COL13A1: variants seen among roughly 807,000 people sequenced by gnomAD.
COL13A1 encodes the protein collagen alpha-1(XIII) chain.
COL13A1 carries 89 observed loss-of-function variants against 130.9 expected under a neutral mutation model. That is an observed-to-expected ratio of 0.68 (90% confidence interval 0.57 to 0.81). The LOEUF is 0.81. Among genes scored for constraint, COL13A1 ranks in the 30% least tolerant of loss-of-function variants. COL13A1 has a pLI of 0.00. For synonymous variants in COL13A1, 402 were observed against 341.6 expected (o/e 1.18, Z -1.95); for missense variants, 879 against 934.6 (o/e 0.94, Z 0.78).
intron 10 of COL13A1, among the ~76,000 whole-genome samples, chr10:69,891,552 T>A (rs2061172433): frequency 6.6e-6 from 1 of 152,196 alleles, no homozygotes; most frequent in Non-Finnish European, 1.5e-5. Context: ...CTGCCTCCGC[T>A]GCAAATGCAT....
At chr10:69,851,690 T>A (rs1358308371) in intron 2 of COL13A1, among the ~76,000 whole-genome samples, 1 of 152,214 alleles carries the variant, frequency 6.6e-6, no homozygotes, top group South Asian at 2.1e-4. Context: ...AGTCTCACTC[T>A]GTTGTCCAGG....
At chr10:69,858,887 C>G (rs567803914) in intron 2 of COL13A1, among the ~76,000 whole-genome samples, 1 of 152,228 alleles carries the variant, frequency 6.6e-6, no homozygotes, top group South Asian at 2.1e-4. Context: ...AATTTACCAG[C>G]TGTGTGACAT....
chr10:69,832,158 C>T (rs1309614762), intron 2 of COL13A1, among the ~76,000 whole-genome samples: 1 of 152,212 alleles, frequency 6.6e-6, no homozygotes, highest in African/African-American at 2.4e-5. Flanking sequence ...AAAGCGTTGG[C>T]CTACTCCTAC....
intron 2 of COL13A1, among the ~76,000 whole-genome samples, chr10:69,856,080 G>A (rs550188449): frequency 5.1e-4 from 77 of 152,352 alleles, no homozygotes; most frequent in African/African-American, 1.4e-3. Context: ...TGTGTATTGC[G>A]AATTAGCAGC....
chr10:69,810,380 G>GATGCTGTTGTTTTCCAAAA (rs374072359), intron 1 of COL13A1, among the ~76,000 whole-genome samples: 1 of 141,976 alleles, frequency 7.0e-6, no homozygotes, highest in African/African-American at 2.6e-5. Flanking sequence ...GAGAGAGAGA[G>GATGCTGTTGTTTTCCAAAA]ACAGAGAGTC....
rs2061480585 is a variant in COL13A1 at position 69,894,692 on chromosome 10, AG to A, written c.650del (p.Gly217GlufsTer28). 1 of 1,613,922 alleles carries A rather than the reference AG, an allele frequency of 6.2e-7. No individual in the cohort carries two copies. The highest frequency in any genetic ancestry group is 8.5e-7 in the Non-Finnish European group (1 of 1,179,906). On this transcript the variant is annotated frameshift_variant, in exon 12 of 41. Coordinates refer to ENST00000645393, the MANE Select transcript of COL13A1 (RefSeq NM_001368882.1). LOFTEE classifies it high-confidence loss of function. ...PGQPGPQGQK[G>X]EKGQCGEYPH... ...CTTTGTAGGGACCCCAGGGACAAAA[AG>A]GAGAAAAGGTAAGAGCAGTGGAGGT...
intron 9 of COL13A1, 87 bp from the exon 10 acceptor site, chr10:69,889,327 A>AG (rs374568417): frequency 3.8e-5 from 35 of 924,116 alleles, no homozygotes; most frequent in South Asian, 1.3e-4. Context: ...GGAGGAGCAC[A>AG]GGGGGCAGGG....
At chr10:69,941,134 C>T in intron 35 of COL13A1, 111 bp downstream of exon 35, 1 of 1,549,810 alleles carries the variant, frequency 6.5e-7, no homozygotes, top group Non-Finnish European at 8.9e-7. Flanking sequence ...CATGCCTGGT[C>T]CCACCTCCGA....
At chr10:69,900,386 C>T (rs745533776) in intron 14 of COL13A1, among the ~76,000 whole-genome samples, 4 of 152,216 alleles carry the variant, frequency 2.6e-5, no homozygotes, top group Admixed American at 6.5e-5. Context: ...AAGAGGGGTG[C>T]AGGATTCCAT....
intron 3 of COL13A1, among the ~76,000 whole-genome samples, chr10:69,868,404 T>C (rs2058741966): frequency 6.6e-6 from 1 of 152,144 alleles, no homozygotes. Context: ...CACTCCTTCC[T>C]GGCCTTGCTA....
chr10:69,879,871 C>T (rs2059956203), intron 6 of COL13A1, among the ~76,000 whole-genome samples: 1 of 152,172 alleles, frequency 6.6e-6, no homozygotes, highest in South Asian at 2.1e-4. Context: ...CATTCTGAAA[C>T]CGGGACTAGG....
chr10:69,911,945 C>T (rs1245429215), intron 17 of COL13A1, among the ~76,000 whole-genome samples: 1 of 152,252 alleles, frequency 6.6e-6, no homozygotes, highest in Non-Finnish European at 1.5e-5. Flanking sequence ...CTGAGTAGCC[C>T]ATGCGGTTCC....
At chr10:69,913,775 G>A (rs2063631099) in intron 17 of COL13A1, among the ~76,000 whole-genome samples, 1 of 150,858 alleles carries the variant, frequency 6.6e-6, no homozygotes, top group Non-Finnish European at 1.5e-5. Context: ...AAGCCCCAGG[G>A]AGTGAGCCTA....
intron 2 of COL13A1, among the ~76,000 whole-genome samples, chr10:69,866,773 C>T (rs1161807846): frequency 2.6e-5 from 4 of 152,004 alleles, no homozygotes; most frequent in African/African-American, 4.8e-5. Context: ...GCAGAGAAGC[C>T]GACAGATAAA....
chr10:69,946,025 G>A (rs934880661), intron 37 of COL13A1, among the ~76,000 whole-genome samples: 10 of 149,938 alleles, frequency 6.7e-5, no homozygotes, highest in South Asian at 4.2e-4. Flanking sequence ...AGCCGAGATC[G>A]CACCACTGCA....
chr10:69,916,080 G>A (rs1326272896), intron 17 of COL13A1, among the ~76,000 whole-genome samples: 1 of 152,224 alleles, frequency 6.6e-6, no homozygotes, highest in African/African-American at 2.4e-5. Flanking sequence ...CGGAGGAAGA[G>A]GGTGGAAGTC....
intron 2 of COL13A1, among the ~76,000 whole-genome samples, chr10:69,833,716 A>G (rs1849346073): frequency 6.6e-6 from 1 of 152,200 alleles, no homozygotes; most frequent in South Asian, 2.1e-4. Flanking sequence ...AAACAACATA[A>G]TAAAGAATAG....
intron 1 of COL13A1, among the ~76,000 whole-genome samples, chr10:69,816,320 T>C (rs1398478387): frequency 1.3e-5 from 2 of 150,424 alleles, no homozygotes; most frequent in Non-Finnish European, 3.0e-5. Context: ...TTTGAGCAAC[T>C]GGTGGGATGG....
At chr10:69,873,069 A>C (rs937243661) in intron 4 of COL13A1, among the ~76,000 whole-genome samples, 8 of 152,200 alleles carry the variant, frequency 5.3e-5, no homozygotes, top group Middle Eastern at 6.8e-3. Flanking sequence ...TCAGATGTGG[A>C]GTGACCCAGG....
Sources: gnomAD v4.1 joint callset for allele counts (sites outside exome capture counted in the v4.1 genomes callset) on GRCh38, gnomAD v4.1.1 for gene constraint, MANE v1.5 for transcripts, NCBI Gene and HGNC (gene_info 2026-07-23, HGNC 2026-07-21) for gene names.